Variants in PRKCE observed in about 807,000 individuals in gnomAD.
PRKCE encodes the protein protein kinase C epsilon type.
PRKCE carries 16 observed loss-of-function variants against 85.4 expected under a neutral mutation model. The observed-to-expected ratio is 0.19, with a 90% CI of 0.13 to 0.28. The LOEUF (loss-of-function observed/expected upper bound fraction) is 0.28. Ranked by LOEUF, PRKCE falls within the 10% of genes least tolerant of loss-of-function variation. PRKCE has a pLI of 1.00. For missense variants in PRKCE, 573 were observed against 975.2 expected (o/e 0.59, Z 5.49); for synonymous variants, 388 against 371.5 (o/e 1.04, Z -0.51).
intron 14 of PRKCE, among the ~76,000 whole-genome samples, chr2:46,166,453 A>C (rs917675926): frequency 6.6e-6 from 1 of 152,220 alleles, no homozygotes; most frequent in Non-Finnish European, 1.5e-5. Context: ...CAGGACTCTG[A>C]TCCAGGGCTG....
intron 1 of PRKCE, among the ~76,000 whole-genome samples, chr2:45,702,995 T>C (rs1365953519): frequency 6.7e-6 from 1 of 149,814 alleles, no homozygotes; most frequent in African/African-American, 2.5e-5. Flanking sequence ...TTTCCTATTA[T>C]CAAGTTTTCT....
At chr2:45,765,021 C>T (rs1318813050) in intron 1 of PRKCE, among the ~76,000 whole-genome samples, 1 of 152,154 alleles carries the variant, frequency 6.6e-6, no homozygotes, top group Non-Finnish European at 1.5e-5. Flanking sequence ...TAGCCTTCCT[C>T]CCTGTGGCTT....
Position 45,655,702 on chromosome 2 carries a change from G to C in PRKCE, c.348+3254G>C, listed in dbSNP as rs191686172. 6.8e-4 allele frequency among the ~76,000 whole-genome samples: 103 copies of C among 152,168 alleles called. 2 individuals carry two copies. The highest frequency in any genetic ancestry group is 1.3e-4 in the Non-Finnish European group (9 of 67,996). ...TTAGCCAAATCTGGACCTGCGGTGTGGTGTGTGCCTGTAGTCCCAGCTACT... is the reference window on the plus strand; with the variant it reads ...TTAGCCAAATCTGGACCTGCGGTGTCGTGTGTGCCTGTAGTCCCAGCTACT... On this transcript the variant is annotated intron_variant, in intron 1 of 14. Coordinates refer to ENST00000306156, the MANE Select transcript of PRKCE (RefSeq NM_005400.3).
In PRKCE at chr2:45,653,605, C is replaced by CCT. The variant is rs1288537931; in HGVS notation, c.348+1158_348+1159dup. Among the ~76,000 whole-genome samples the CCT allele has an allele frequency of 7.2e-4, 109 of 152,036 alleles. 1 individual carries two copies. Among genetic ancestry groups the CCT allele is most frequent in the South Asian group, 5.6e-3 (27 of 4,808 alleles). On this transcript the variant is annotated intron_variant, in intron 1 of 14. Coordinates refer to ENST00000306156, the MANE Select transcript of PRKCE (RefSeq NM_005400.3). Reference sequence around the variant, plus strand: ...GAAAACCAGCTAACTTCATGAATGTCCTAGAGGTCAGAGGTTGCACATGGA... The same window carrying CCT: ...GAAAACCAGCTAACTTCATGAATGTCCTCTAGAGGTCAGAGGTTGCACATGGA...
intron 5 of PRKCE, among the ~76,000 whole-genome samples, chr2:45,982,521 A>G (rs61764808): frequency 0.029 from 4,393 of 152,204 alleles, 90 homozygotes; most frequent in Middle Eastern, 0.058. Context: ...TGGTAACCAA[A>G]CAATGTTCCA....
chr2:45,680,352 C>T (rs1676793130), intron 1 of PRKCE, among the ~76,000 whole-genome samples: 1 of 152,096 alleles, frequency 6.6e-6, no homozygotes, highest in African/African-American at 2.4e-5. Flanking sequence ...CTCTGTGTGC[C>T]CCCTTCTTTC....
chr2:45,842,692 C>T, intron 1 of PRKCE, among the ~76,000 whole-genome samples: 1 of 152,202 alleles, frequency 6.6e-6, no homozygotes, highest in Non-Finnish European at 1.5e-5. Flanking sequence ...CTGGCCTCCA[C>T]CCACTAGCTG....
intron 12 of PRKCE, among the ~76,000 whole-genome samples, chr2:46,149,074 T>C (rs1676355492): frequency 1.3e-5 from 2 of 152,232 alleles, no homozygotes; most frequent in Non-Finnish European, 2.9e-5. Context: ...GTGAGTGTTT[T>C]AACTGTTTCT....
chr2:45,687,745 A>G (rs1677409704), intron 1 of PRKCE, among the ~76,000 whole-genome samples: 1 of 152,268 alleles, frequency 6.6e-6, no homozygotes, highest in African/African-American at 2.4e-5. Context: ...CTAGGCTGCT[A>G]GAAAGAAGAA....
rs117770594 is a variant in PRKCE, at chr2:46,036,867, G to A, written c.1437+26350G>A. Among the ~76,000 whole-genome samples the A allele has an allele frequency of 1.8e-4, 27 of 152,240 alleles. No homozygotes were observed. In the East Asian group the frequency reaches 4.3e-3, roughly 24 times the overall value. On this transcript the variant is annotated intron_variant, in intron 10 of 14. Transcript: ENST00000306156. ...GAAGATAATGCAGAAGAGAGATGTC[G>A]GGGCTATGTGTAGAGGGCCTCAAGT...
At chr2:46,027,914 A>T (rs7607941) in intron 10 of PRKCE, among the ~76,000 whole-genome samples, 1 of 151,420 alleles carries the variant, frequency 6.6e-6, no homozygotes, top group African/African-American at 2.4e-5. Flanking sequence ...ACCCTGGGGG[A>T]CCTCCCTCTT....
intron 1 of PRKCE, among the ~76,000 whole-genome samples, chr2:45,690,931 C>A (rs1677678630): frequency 6.6e-6 from 1 of 152,212 alleles, no homozygotes; most frequent in East Asian, 1.9e-4. Context: ...AGGGTGCCAG[C>A]AAAGTCAGGG....
chr2:45,878,691 G>T (rs185497584), intron 2 of PRKCE, among the ~76,000 whole-genome samples: 166 of 152,282 alleles, frequency 1.1e-3, no homozygotes, highest in Non-Finnish European at 1.5e-3. Flanking sequence ...AACCTACTCT[G>T]CCATTGCCAG....
chr2:45,927,877 C>T (rs376296777), intron 2 of PRKCE, among the ~76,000 whole-genome samples: 13 of 146,494 alleles, frequency 8.9e-5, no homozygotes, highest in East Asian at 2.2e-4. Flanking sequence ...CCCAAGGCTT[C>T]GTGTAGATGT....
intron 1 of PRKCE, among the ~76,000 whole-genome samples, chr2:45,660,091 G>A (rs1211369151): frequency 6.6e-6 from 1 of 152,180 alleles, no homozygotes; most frequent in African/African-American, 2.4e-5. Context: ...CACAAAACAA[G>A]TGTGTATTTC....
intron 1 of PRKCE, among the ~76,000 whole-genome samples, chr2:45,744,573 CCTTTCT>C (rs1682980028): frequency 9.3e-6 from 1 of 107,330 alleles, no homozygotes; most frequent in Non-Finnish European, 2.1e-5. Context: ...TTCCTTCCTT[CCTTTCT>C]TTTTCTTTCT....
intron 1 of PRKCE, among the ~76,000 whole-genome samples, chr2:45,736,554 C>T (rs1216869339): frequency 6.6e-6 from 1 of 152,178 alleles, no homozygotes; most frequent in Non-Finnish European, 1.5e-5. Context: ...GTTCCCCTGC[C>T]CTGGAGTCTA....
chr2:45,874,116 A>G (rs1694294624), intron 2 of PRKCE, among the ~76,000 whole-genome samples: 1 of 152,238 alleles, frequency 6.6e-6, no homozygotes, highest in Non-Finnish European at 1.5e-5. Flanking sequence ...GATTGTCAAC[A>G]CAAGTTCTAT....
chr2:46,169,708 G>C (rs1678703717), intron 14 of PRKCE, among the ~76,000 whole-genome samples: 1 of 152,184 alleles, frequency 6.6e-6, no homozygotes, highest in Non-Finnish European at 1.5e-5. Context: ...CGCAGCAGCT[G>C]ACATATCAGC....
Sources: allele counts gnomAD v4.1 joint callset (sites outside exome capture counted in the v4.1 genomes callset), GRCh38; gene constraint gnomAD v4.1.1; transcripts MANE v1.5; gene names NCBI Gene and HGNC (gene_info 2026-07-23, HGNC 2026-07-21).